The following TMEM63B variants were observed in gnomAD, a reference collection of about 807,000 sequenced individuals.
The protein encoded by TMEM63B is mechanosensitive cation channel TMEM63B.
TMEM63B carries 23 observed loss-of-function variants against 102.6 expected under a neutral mutation model. The observed-to-expected ratio is 0.22, with a 90% CI of 0.16 to 0.32. The LOEUF (loss-of-function observed/expected upper bound fraction) is 0.32. Ranked by LOEUF, TMEM63B falls within the 10% of genes least tolerant of loss-of-function variation. TMEM63B has a pLI of 1.00. For missense variants in TMEM63B, 628 were observed against 1,095.9 expected (o/e 0.57, Z 6.03); for synonymous variants, 444 against 437.0 (o/e 1.02, Z -0.20).
chr6:44,132,310 T>C (rs12524774), intron 1 of TMEM63B: 30,591 of 985,304 alleles, frequency 0.031, 860 homozygotes, highest in East Asian at 0.23. Context: ...TTACTAACCA[T>C]CTAGCTAGAT....
In TMEM63B at chr6:44,135,032, T is replaced by C. The variant is rs1562116478; in HGVS notation, c.175T>C (p.Phe59Leu). The C allele has an allele frequency of 1.9e-6, 3 of 1,614,230 alleles. No homozygotes were observed. Among genetic ancestry groups the C allele is most frequent in the Admixed American group, 1.7e-5 (1 of 60,030 alleles). ...FMCFLALLFL[F>L]SILRKVAWDY... ...CTTCCCTCAGGCACTGCTGTTCTTA[T>C]TCTCTATCCTCCGGAAGGTGGCCTG... The change falls in exon 3 of 24, where the codon TTC (phenylalanine) becomes CTC (leucine). Residue 59 changes from phenylalanine (F) to leucine (L), a missense_variant. Physicochemically the swap from Phe to Leu is conservative, Grantham distance 22 (BLOSUM62 0). This residue lies in a region of TMEM63B where 336 missense variants were observed against 580.3 expected (regional missense o/e 0.58). Coordinates refer to ENST00000323267, the MANE Select transcript of TMEM63B (RefSeq NM_018426.3).
At chr6:44,135,134 C>T (rs371630228) in intron 3 of TMEM63B, 38 bp downstream of exon 3, 19 of 1,608,082 alleles carry the variant, frequency 1.2e-5, no homozygotes, top group Admixed American at 3.3e-5. Flanking sequence ...TCTCCACACA[C>T]ACATCTTGTT....
chr6:44,139,103 T>C (rs1763703274), intron 6 of TMEM63B, among the ~76,000 whole-genome samples: 1 of 152,144 alleles, frequency 6.6e-6, no homozygotes, highest in Non-Finnish European at 1.5e-5. Flanking sequence ...CTTGCCTTCC[T>C]CCCTCCTCAG....
chr6:44,132,318 G>A, intron 1 of TMEM63B: 1 of 985,448 alleles, frequency 1.0e-6, no homozygotes, highest in Non-Finnish European at 1.2e-6. Flanking sequence ...CATCTAGCTA[G>A]ATCCTGTCCA....
intron 12 of TMEM63B, among the ~76,000 whole-genome samples, chr6:44,147,987 G>A (rs1217414832): frequency 3.3e-5 from 5 of 152,176 alleles, no homozygotes. Context: ...GCCAGGCATG[G>A]TACTGCACAC....
intron 6 of TMEM63B, chr6:44,138,788 C>T (rs34211635): frequency 0.011 from 4,475 of 413,048 alleles, 39 homozygotes; most frequent in Admixed American, 0.018. Flanking sequence ...GGGGTGGAGC[C>T]CCTGCCTCAA....
upstream of TMEM63B, chr6:44,127,455 G>A (rs1290059430): frequency 1.3e-5 from 2 of 151,786 alleles, no homozygotes; most frequent in South Asian, 4.1e-4. Context: ...CGGCGGACGC[G>A]ATCTGAGAGT....
chr6:44,154,295 A>G lies in TMEM63B; in HGVS notation c.2227-70A>G, dbSNP rs1003719484. 5.0e-6 allele frequency: 8 copies of G among 1,603,862 alleles called. No homozygotes were observed. In the Admixed American group the frequency reaches 1.2e-4, roughly 23 times the overall value. ...GCTGAGGGCAGCGCCAACAGGGCCAAGCGGGCGTGGGGTCATGATCAGGGC... is the reference window on the plus strand; with the variant it reads ...GCTGAGGGCAGCGCCAACAGGGCCAGGCGGGCGTGGGGTCATGATCAGGGC... On this transcript the variant is annotated intron_variant, in intron 22 of 23. Coordinates refer to ENST00000323267, the MANE Select transcript of TMEM63B (RefSeq NM_018426.3).
chr6:44,149,204 G>C (rs1766054996), intron 15 of TMEM63B: 1 of 555,542 alleles, frequency 1.8e-6, no homozygotes, highest in African/African-American at 1.9e-5. Context: ...CCTGATCTCA[G>C]AGAAGTCCCC....
At chr6:44,127,895 C>G (rs1481051436) in intron 1 of TMEM63B, 1 of 151,850 alleles carries the variant, frequency 6.6e-6, no homozygotes, top group Non-Finnish European at 1.5e-5. Context: ...GCCGGAGGTC[C>G]AGATACGCGC....
intron 12 of TMEM63B, among the ~76,000 whole-genome samples, chr6:44,147,858 A>G (rs1339493560): frequency 6.6e-6 from 1 of 152,170 alleles, no homozygotes; most frequent in Non-Finnish European, 1.5e-5. Context: ...GTGCGGTGGC[A>G]TATGCCTGTA....
intron 3 of TMEM63B, 34 bp from the exon 4 acceptor site, chr6:44,135,294 G>T (rs773975244): frequency 1.9e-6 from 3 of 1,605,020 alleles, no homozygotes; most frequent in Non-Finnish European, 2.6e-6. Flanking sequence ...ACTCTCCCCC[G>T]CCCCTGCTAA....
chr6:44,147,336 C>G, intron 11 of TMEM63B, 41 bp from the exon 12 acceptor site: 1 of 1,613,942 alleles, frequency 6.2e-7, no homozygotes, highest in Non-Finnish European at 8.5e-7. Flanking sequence ...TGAGCCAGCC[C>G]CAGCCCCAGA....
chr6:44,147,421 G>T lies in TMEM63B; in HGVS notation c.908G>T (p.Ser303Ile), dbSNP rs967077641. 3.7e-6 allele frequency: 6 copies of T among 1,614,092 alleles called. No individual in the cohort carries two copies. The African/African-American group carries it at 6.7e-5, about 18-fold the overall frequency. The change falls in exon 12 of 24, where the codon AGC (serine) becomes ATC (isoleucine). Residue 303 changes from serine to isoleucine, a missense_variant. Coordinates refer to ENST00000323267, the MANE Select transcript of TMEM63B (RefSeq NM_018426.3). ...AAGCTGTACTTCACAAACCTCCAGAGCAAGGAGAACGTGCCTACCATGATC... is the reference window on the plus strand; with the variant it reads ...AAGCTGTACTTCACAAACCTCCAGATCAAGGAGAACGTGCCTACCATGATC... ...RGKLYFTNLQ[S>I]KENVPTMINP... is the part of the protein sequence containing the mutation.
intron 4 of TMEM63B, 51 bp from the exon 5 acceptor site, chr6:44,136,298 G>A (rs756086085): frequency 6.7e-5 from 102 of 1,524,726 alleles, no homozygotes; most frequent in Admixed American, 8.4e-5. Flanking sequence ...CCAGCTTCCC[G>A]GGGGCTCAGA....
In TMEM63B at chr6:44,147,505, GA is replaced by G. The variant is rs1398450473; in HGVS notation, c.987+6del. The G allele has an allele frequency of 6.2e-7, 1 of 1,613,992 alleles. No homozygotes were observed. The highest frequency in any genetic ancestry group is 1.1e-5 in the South Asian group (1 of 91,056). ...GTGGTGCGAGGCTGTGAGCAGGTAT[GA>G]CGCGGGCTGGCTGTTGAGTCGGGAG... On this transcript the variant is annotated splice_donor_region_variant and intron_variant, in intron 12 of 23. Coordinates refer to ENST00000323267, the MANE Select transcript of TMEM63B (RefSeq NM_018426.3).
intron 2 of TMEM63B, 81 bp downstream of exon 2, chr6:44,134,824 C>A: frequency 6.7e-7 from 1 of 1,495,300 alleles, no homozygotes; most frequent in East Asian, 2.4e-5. Flanking sequence ...TAACCACTCT[C>A]CCACCTGCCC....
At chr6:44,144,564 A>G (rs1433398633) in intron 10 of TMEM63B, among the ~76,000 whole-genome samples, 1 of 151,898 alleles carries the variant, frequency 6.6e-6, no homozygotes, top group Non-Finnish European at 1.5e-5. Flanking sequence ...CATGCATTCA[A>G]TACTTGGTGG....
intron 2 of TMEM63B, 108 bp downstream of exon 2, chr6:44,134,851 A>C: frequency 6.6e-7 from 1 of 1,512,254 alleles, no homozygotes; most frequent in Non-Finnish European, 9.0e-7. Context: ...CCCAGGCTTA[A>C]GCAGGAGGAG....
Sources: allele counts gnomAD v4.1 joint callset (sites outside exome capture counted in the v4.1 genomes callset), GRCh38; gene constraint gnomAD v4.1.1; regional missense constraint gnomAD v4.1.1; transcripts MANE v1.5; gene names NCBI Gene and HGNC (gene_info 2026-07-23, HGNC 2026-07-21).